The following NUP210 variants were observed in gnomAD, a reference collection of about 807,000 sequenced individuals.
NUP210 encodes the protein nuclear pore membrane glycoprotein 210.
Under a neutral mutation model 196.0 loss-of-function variants are expected in NUP210, and 151 were observed. That is an observed-to-expected ratio of 0.77 (90% CI 0.67 to 0.88). NUP210 has a LOEUF of 0.88. Ranked by LOEUF, NUP210 falls within the 40% of genes least tolerant of loss-of-function variation. The pLI is 0.00. For synonymous variants in NUP210, 1,070 were observed against 1,052.7 expected (o/e 1.02, Z -0.32); for missense variants, 2,314 against 2,493.7 (o/e 0.93, Z 1.53).
intron 2 of NUP210, among the ~76,000 whole-genome samples, chr3:13,398,704 G>A (rs1699743840): frequency 6.6e-6 from 1 of 152,154 alleles, no homozygotes; most frequent in Non-Finnish European, 1.5e-5. Context: ...AGGGTTGCCT[G>A]AGCCCAGGAG....
chr3:13,407,752 G>A (rs192724940), intron 1 of NUP210, among the ~76,000 whole-genome samples: 1 of 152,082 alleles, frequency 6.6e-6, no homozygotes, highest in African/African-American at 2.4e-5. Flanking sequence ...CAGCTCCCAT[G>A]GCACCGCTGG....
rs746176396 is a variant in NUP210, at chr3:13,340,069, G to A, written c.3292-36C>T. ...AGGAAACAGCGGCGTGTCAGTGCCC[G>A]TCATGCCAGGCAGCCCGCACCTCCC... On this transcript the variant is annotated intron_variant, in intron 24 of 39. Coordinates refer to ENST00000254508, the MANE Select transcript of NUP210 (RefSeq NM_024923.4). The surrounding 1 kb of genome is among the most constrained non-coding windows in gnomAD (Gnocchi z 4.0). 1.2e-5 allele frequency: 20 copies of A among 1,607,356 alleles called. No individual in the cohort carries two copies. Among genetic ancestry groups the A allele is most frequent in the South Asian group, 1.1e-4 (10 of 90,696 alleles).
intron 1 of NUP210, among the ~76,000 whole-genome samples, chr3:13,409,178 C>T (rs1479660828): frequency 6.6e-6 from 1 of 152,206 alleles, no homozygotes; most frequent in Non-Finnish European, 1.5e-5. Context: ...CACATACCTT[C>T]CAGTAACAGC....
At position 13,317,272 on chromosome 3, in the gene NUP210, C is replaced by T. The variant is rs75409841; in HGVS notation, c.*409G>A. 1,221 of 207,314 alleles carry T rather than the reference C, an allele frequency of 5.9e-3. 18 individuals are homozygous for T. Among genetic ancestry groups the T allele is most frequent in the African/African-American group, 0.025 (1,034 of 42,042 alleles). The allele number at this position is 207,314 out of a possible 1,614,324, so 12.8% of individuals were successfully genotyped here. ...AACCCCCTAAAGTAACTGGACAATC[C>T]TTTCCCTGAGACCACTACAGTAACA... On this transcript the variant is annotated 3_prime_UTR_variant, in exon 40 of 40. Coordinates refer to ENST00000254508, the MANE Select transcript of NUP210 (RefSeq NM_024923.4).
chr3:13,324,056 G>T (rs886085370), intron 33 of NUP210, among the ~76,000 whole-genome samples: 2 of 152,186 alleles, frequency 1.3e-5, no homozygotes, highest in African/African-American at 4.8e-5. Flanking sequence ...GAGCAGGGAT[G>T]CGATTGAAGC....
intron 33 of NUP210, among the ~76,000 whole-genome samples, chr3:13,324,918 G>A (rs969008495): frequency 6.6e-6 from 1 of 152,270 alleles, no homozygotes; most frequent in Non-Finnish European, 1.5e-5. Context: ...TCCTCACAAC[G>A]CTATCATCCC....
At chr3:13,317,842 T>TCAGCA in intron 39 of NUP210, 61 bp from the exon 40 acceptor site, 1 of 1,217,256 alleles carries the variant, frequency 8.2e-7, no homozygotes, top group South Asian at 1.4e-5. Flanking sequence ...CACTCTTCAG[T>TCAGCA]TACAGCCAGC....
intron 6 of NUP210, among the ~76,000 whole-genome samples, chr3:13,383,994 G>A (rs1002960261): frequency 4.0e-5 from 6 of 151,446 alleles, no homozygotes; most frequent in South Asian, 2.1e-4. Context: ...AGACAGTCTC[G>A]CTCTGTCACC....
chr3:13,327,388 C>CA lies in NUP210; in HGVS notation c.4335dup (p.Val1446CysfsTer93), dbSNP rs1162551552. 6.8e-6 allele frequency: 11 copies of CA among 1,613,430 alleles called. No individual in the cohort carries two copies. The highest frequency in any genetic ancestry group is 1.3e-5 in the African/African-American group (1 of 74,924). ...GTCAGGCCCACGCTGACTGTGCGGA[C>CA]AACGCAGGTGTTGTTGGTGGGGCCC... On this transcript the variant is annotated frameshift_variant, in exon 32 of 40. Coordinates refer to ENST00000254508, the MANE Select transcript of NUP210 (RefSeq NM_024923.4). LOFTEE classifies it high-confidence loss of function.
chr3:13,396,218 T>A (rs1314320865), intron 3 of NUP210, among the ~76,000 whole-genome samples: 1 of 152,110 alleles, frequency 6.6e-6, no homozygotes, highest in Non-Finnish European at 1.5e-5. Context: ...GAACATCCTA[T>A]AATGCACTGA....
At chr3:13,335,254 C>CTTG (rs991684951) in intron 28 of NUP210, among the ~76,000 whole-genome samples, 200 bp downstream of exon 28, 8 of 152,228 alleles carry the variant, frequency 5.3e-5, no homozygotes, top group Non-Finnish European at 7.3e-5. Context: ...GAAGCCTTTG[C>CTTG]TTGGCCCCAC....
intron 3 of NUP210, among the ~76,000 whole-genome samples, chr3:13,391,533 A>G (rs1471179336): frequency 6.6e-6 from 1 of 151,262 alleles, no homozygotes; most frequent in Non-Finnish European, 1.5e-5. Flanking sequence ...ATTTGAACCT[A>G]GGGCTGTCCG....
rs1698748163 is a variant in NUP210 at position 13,372,000 on chromosome 3, A to G, written c.1620T>C (p.Phe540=). ...CACGTGCCTCCACCTGGCACGGGGC[A>G]AACTCCATGCTGTGGGGCTCGATCA... ...VYVIEPHSME[F]APCQVEARVG... is the part of the protein sequence containing the mutation. The change falls in exon 13 of 40, where the codon TTT becomes TTC. Residue 540 remains phenylalanine (F), a synonymous_variant. Transcript: ENST00000254508. The G allele has an allele frequency of 1.3e-6, 2 of 1,593,394 alleles. No homozygotes were observed. The highest frequency in any genetic ancestry group is 4.5e-5 in the East Asian group (2 of 44,018).
chr3:13,380,295 C>A (rs755643865), intron 6 of NUP210, among the ~76,000 whole-genome samples: 1 of 152,144 alleles, frequency 6.6e-6, no homozygotes, highest in African/African-American at 2.4e-5. Flanking sequence ...TGAGCAACAT[C>A]GATGTACATC....
chr3:13,338,990 TAGAGAAAAAAAACCAC>T (rs1697343703), intron 25 of NUP210, among the ~76,000 whole-genome samples: 1 of 152,020 alleles, frequency 6.6e-6, no homozygotes, highest in Admixed American at 6.5e-5. Context: ...CACTCCTTTT[TAGAGAAAAAAAACCAC>T]AGAGTCTCCT....
At position 13,347,025 on chromosome 3, in the gene NUP210, T is replaced by C. The variant is rs1697763763; in HGVS notation, c.2836-3722A>G. On this transcript the variant is annotated intron_variant, in intron 20 of 39. Transcript: ENST00000254508. The surrounding 1 kb of genome is among the most constrained non-coding windows in gnomAD (Gnocchi z 4.7). ...AGATCAGTCTCAGGGAAAAGGTGGA[T>C]GCACCTGACTTCAGGCCCTGCAATT... 4.1e-6 allele frequency: 4 copies of C among 985,428 alleles called. No homozygotes were observed. The highest frequency in any genetic ancestry group is 4.8e-6 in the Non-Finnish European group (4 of 829,930). 61.0% of individuals were successfully genotyped at this position (985,428 alleles called of 1,614,324 possible). A position where few individuals can be genotyped will look rare whatever the true frequency, so the allele number is the denominator to read the frequency against.
Position 13,371,736 on chromosome 3 carries a change from C to T in NUP210, c.1786+98G>A, listed in dbSNP as rs1576393090. The T allele has an allele frequency of 2.6e-6, 3 of 1,133,600 alleles. No homozygotes were observed. In the East Asian group the frequency reaches 7.7e-5, roughly 29 times the overall value. 70.2% of individuals were successfully genotyped at this position (1,133,600 alleles called of 1,614,324 possible). A position where few individuals can be genotyped will look rare whatever the true frequency, so the allele number is the denominator to read the frequency against. ...TTATGTTGCAGCCCCTCTGCTGCCT[C>T]AAGCCCTCTCTTTGGGAATCTGGCG... is the stretch of plus-strand genomic sequence containing the variant. On this transcript the variant is annotated intron_variant, in intron 13 of 39. Coordinates refer to ENST00000254508, the MANE Select transcript of NUP210 (RefSeq NM_024923.4).
chr3:13,332,976 C>T (rs539445386), intron 28 of NUP210, among the ~76,000 whole-genome samples: 38 of 152,364 alleles, frequency 2.5e-4, no homozygotes, highest in African/African-American at 8.4e-4. Flanking sequence ...CTGCTCCCTT[C>T]TCTCACAGAG....
Position 13,371,868 on chromosome 3 carries a change from C to T in NUP210, c.1752G>A (p.Glu584=). 1 of 1,609,950 alleles carries T rather than the reference C, an allele frequency of 6.2e-7. No homozygotes were observed. The change falls in exon 13 of 40, where the codon GAG becomes GAA. Residue 584 remains glutamate, a synonymous_variant. Coordinates refer to ENST00000254508, the MANE Select transcript of NUP210 (RefSeq NM_024923.4). Reference sequence around the variant, plus strand: ...GCTGGAACACACCCTGGTTCTCCACCTCGACAGCCAAGTCAAAGTGGGAGC... The same window carrying T: ...GCTGGAACACACCCTGGTTCTCCACTTCGACAGCCAAGTCAAAGTGGGAGC... ...SDCSHFDLAV[E]VENQGVFQPL... is the part of the protein sequence containing the mutation.
Sources: gnomAD v4.1 joint callset for allele counts (sites outside exome capture counted in the v4.1 genomes callset) on GRCh38, gnomAD v4.1.1 for gene constraint, Gnocchi (gnomAD v3.1) non-coding constraint, MANE v1.5 for transcripts, NCBI Gene and HGNC (gene_info 2026-07-23, HGNC 2026-07-21) for gene names.